The following GNAO1 variants were observed in gnomAD, a reference collection of about 807,000 sequenced individuals.
The protein encoded by GNAO1 is guanine nucleotide-binding protein G(o) subunit alpha.
For missense variants in GNAO1, 166 were observed against 478.7 expected (o/e 0.35, Z 6.10); for synonymous variants, 164 against 180.7 (o/e 0.91, Z 0.74).
At chr16:56,297,032 G>C (rs1161504593) in intron 3 of GNAO1, among the ~76,000 whole-genome samples, 1 of 152,168 alleles carries the variant, frequency 6.6e-6, no homozygotes, top group African/African-American at 2.4e-5. Flanking sequence ...TAAGAATCCT[G>C]GTTAAAGTAC....
At chr16:56,294,136 A>G (rs955935456) in intron 3 of GNAO1, among the ~76,000 whole-genome samples, 2 of 152,140 alleles carry the variant, frequency 1.3e-5, no homozygotes, top group Non-Finnish European at 2.9e-5. Context: ...ACTCCTACCT[A>G]GGCCAGGCTC....
At chr16:56,258,583 A>G (rs953084816) in intron 2 of GNAO1, among the ~76,000 whole-genome samples, 4 of 152,188 alleles carry the variant, frequency 2.6e-5, no homozygotes, top group Non-Finnish European at 4.4e-5. Context: ...GATGGTGGAT[A>G]TATTCCTAGA....
At chr16:56,291,979 C>T (rs1430882984) in intron 3 of GNAO1, among the ~76,000 whole-genome samples, 1 of 152,184 alleles carries the variant, frequency 6.6e-6, no homozygotes, top group African/African-American at 2.4e-5. Flanking sequence ...TTTGAGCACG[C>T]GAATTGTGGA....
intron 5 of GNAO1, chr16:56,336,522 A>G: frequency 1.9e-6 from 1 of 537,182 alleles, no homozygotes; most frequent in Non-Finnish European, 3.3e-6. Context: ...AGCCAGTCCC[A>G]GGACAGACTC....
chr16:56,269,169 C>T (rs1287511140), intron 2 of GNAO1, among the ~76,000 whole-genome samples: 1 of 152,250 alleles, frequency 6.6e-6, no homozygotes, highest in African/African-American at 2.4e-5. Flanking sequence ...TCTCATCCCA[C>T]AACCACTCCC....
chr16:56,274,241 C>A (rs1382534014), intron 2 of GNAO1, among the ~76,000 whole-genome samples: 3 of 152,174 alleles, frequency 2.0e-5, no homozygotes, highest in Non-Finnish European at 4.4e-5. Flanking sequence ...TGTCTATTCT[C>A]CAGTGTTTGA....
intron 2 of GNAO1, among the ~76,000 whole-genome samples, chr16:56,221,689 A>T (rs2036490832): frequency 6.7e-6 from 1 of 149,344 alleles, no homozygotes; most frequent in South Asian, 2.1e-4. Flanking sequence ...GGACCAGATG[A>T]TGCAGATGAT....
intron 2 of GNAO1, 69 bp from the exon 3 acceptor site, chr16:56,275,862 A>T (rs974398512): frequency 7.2e-7 from 1 of 1,390,644 alleles, no homozygotes; most frequent in Non-Finnish European, 9.6e-7. Context: ...AGTGCGTCTC[A>T]TGCCTGTGCT....
At chr16:56,196,888 A>T (rs544179656) in intron 2 of GNAO1, among the ~76,000 whole-genome samples, 1 of 152,210 alleles carries the variant, frequency 6.6e-6, no homozygotes, top group African/African-American at 2.4e-5. Flanking sequence ...GACAAGTGGG[A>T]TGTGATTCAG....
At chr16:56,329,978 G>A (rs913811384) in intron 4 of GNAO1, among the ~76,000 whole-genome samples, 14 of 152,218 alleles carry the variant, frequency 9.2e-5, no homozygotes, top group Non-Finnish European at 2.1e-4. Flanking sequence ...AAGAAACCCT[G>A]ATCTACGCAA....
At chr16:56,340,397 C>G (rs2037789762) in intron 6 of GNAO1, 1 of 157,578 alleles carries the variant, frequency 6.3e-6, no homozygotes, top group Non-Finnish European at 1.4e-5. Context: ...ATGCGTGCAC[C>G]CTTCCAACCT....
intron 2 of GNAO1, among the ~76,000 whole-genome samples, chr16:56,249,994 A>G (rs1382361): frequency 0.61 from 92,769 of 152,060 alleles, 28,641 homozygotes; most frequent in East Asian, 0.71. Context: ...GACACAGCTC[A>G]GACTTGGCCA....
At chr16:56,254,065 A>G (rs2036824521) in intron 2 of GNAO1, among the ~76,000 whole-genome samples, 1 of 152,160 alleles carries the variant, frequency 6.6e-6, no homozygotes, top group South Asian at 2.1e-4. Flanking sequence ...TGGGGAAGAT[A>G]AAATTTTGTT....
intron 3 of GNAO1, 126 bp from the exon 4 acceptor site, chr16:56,328,505 T>G: frequency 2.1e-6 from 2 of 937,940 alleles, no homozygotes; most frequent in Non-Finnish European, 3.3e-6. Context: ...GGCTGTGGGC[T>G]GAGCTGCGGT....
intron 2 of GNAO1, among the ~76,000 whole-genome samples, chr16:56,274,801 T>C (rs1371097918): frequency 1.3e-5 from 2 of 152,210 alleles, no homozygotes; most frequent in African/African-American, 4.8e-5. Context: ...ACAAAGTTCC[T>C]TTTGGGGAGA....
intron 3 of GNAO1, among the ~76,000 whole-genome samples, chr16:56,309,482 C>T (rs1373830317): frequency 6.6e-6 from 1 of 152,158 alleles, no homozygotes; most frequent in South Asian, 2.1e-4. Flanking sequence ...GCTCATTCCA[C>T]CTTGAAACCA....
At chr16:56,341,671 C>G (rs1596876147) in intron 6 of GNAO1, among the ~76,000 whole-genome samples, 2 of 152,216 alleles carry the variant, frequency 1.3e-5, no homozygotes, top group African/African-American at 4.8e-5. Flanking sequence ...GCCAGCCCTG[C>G]CAGTGCTGTG....
At chr16:56,240,622 A>T (rs2036685786) in intron 2 of GNAO1, among the ~76,000 whole-genome samples, 2 of 151,956 alleles carry the variant, frequency 1.3e-5, no homozygotes, top group South Asian at 2.1e-4. Flanking sequence ...ATTTCTCTCA[A>T]CCTTTGCCAA....
chr16:56,356,773 CT>C lies in GNAO1; in HGVS notation c.*713del, dbSNP rs34175199. ...AGCCTTTGTAGGGGTTTTTTGGTTCCTTTTTTTTTTTTTTCAGTTTTTGTTT... is the reference window on the plus strand; with the variant it reads ...AGCCTTTGTAGGGGTTTTTTGGTTCCTTTTTTTTTTTTTCAGTTTTTGTTT... On this transcript the variant is annotated 3_prime_UTR_variant, in exon 9 of 9. Coordinates refer to ENST00000262493, the MANE Select transcript of GNAO1 (RefSeq NM_020988.3). 39,986 of 142,620 alleles carry C rather than the reference CT, an allele frequency of 0.28. 5,617 individuals carry two copies. Among genetic ancestry groups the C allele is most frequent in the East Asian group, 0.35 (1,715 of 4,934 alleles). 8.8% of individuals were successfully genotyped at this position (142,620 alleles called of 1,614,324 possible).
Sources: allele counts gnomAD v4.1 joint callset (sites outside exome capture counted in the v4.1 genomes callset), GRCh38; gene constraint gnomAD v4.1.1; transcripts MANE v1.5; gene names NCBI Gene and HGNC (gene_info 2026-07-23, HGNC 2026-07-21).